The following TMEM117 variants were observed in gnomAD, a reference collection of about 807,000 sequenced individuals.
The protein encoded by TMEM117 is transmembrane protein 117.
A neutral mutation model predicts 52.4 loss-of-function variants in TMEM117; 27 were observed. The ratio of observed to expected loss-of-function variants is 0.51; its 90% CI spans 0.38 to 0.71. The LOEUF (loss-of-function observed/expected upper bound fraction) is 0.71, where lower values mean the gene tolerates loss of function less well. TMEM117 is among the 30% of genes least tolerant of loss of function. TMEM117 has a pLI of 0.00. For synonymous variants in TMEM117, 215 were observed against 206.3 expected (o/e 1.04, Z -0.36); for missense variants, 556 against 630.5 (o/e 0.88, Z 1.26).
intron 5 of TMEM117, among the ~76,000 whole-genome samples, chr12:44,249,371 T>G (rs1950170094): frequency 6.6e-6 from 1 of 152,012 alleles, no homozygotes; most frequent in Admixed American, 6.6e-5. Flanking sequence ...TTGAGAGGGT[T>G]CCATGGATAG....
At chr12:44,064,144 G>A (rs539544657) in intron 3 of TMEM117, among the ~76,000 whole-genome samples, 10 of 152,086 alleles carry the variant, frequency 6.6e-5, no homozygotes, top group African/African-American at 2.4e-4. Context: ...CCTAAAAAGA[G>A]AGATGATGAC....
chr12:43,962,528 AAAAT>A, intron 3 of TMEM117, among the ~76,000 whole-genome samples: 1 of 152,216 alleles, frequency 6.6e-6, no homozygotes, highest in Non-Finnish European at 1.5e-5. Context: ...GAAGATCAAT[AAAAT>A]AAAAACAAAA....
At chr12:44,111,778 T>A (rs28867405) in intron 3 of TMEM117, among the ~76,000 whole-genome samples, 2 of 142,962 alleles carry the variant, frequency 1.4e-5, no homozygotes, top group Non-Finnish European at 3.0e-5. Flanking sequence ...CTTTCTGTCT[T>A]GTTGATCTGT....
At chr12:44,122,335 T>C (rs1592535856) in intron 3 of TMEM117, among the ~76,000 whole-genome samples, 1 of 152,266 alleles carries the variant, frequency 6.6e-6, no homozygotes, top group Non-Finnish European at 1.5e-5. Context: ...TGAGCCACCA[T>C]GCCCAGCCTC....
intron 3 of TMEM117, among the ~76,000 whole-genome samples, chr12:44,000,192 G>C (rs1401452872): frequency 6.6e-6 from 1 of 152,140 alleles, no homozygotes; most frequent in East Asian, 1.9e-4. Context: ...ATGTACCCGG[G>C]TAAGTTCAGG....
At chr12:43,975,909 C>A (rs1945663572) in intron 3 of TMEM117, among the ~76,000 whole-genome samples, 1 of 152,128 alleles carries the variant, frequency 6.6e-6, no homozygotes, top group South Asian at 2.1e-4. Context: ...AGCTGGATGA[C>A]CCTCCACAGT....
At chr12:44,041,588 A>G (rs1946799386) in intron 3 of TMEM117, among the ~76,000 whole-genome samples, 2 of 152,300 alleles carry the variant, frequency 1.3e-5, no homozygotes, top group South Asian at 4.1e-4. Context: ...GATTGTCAGC[A>G]TAGTACCCAA....
At chr12:44,284,942 TC>T (rs1332269392) in intron 5 of TMEM117, among the ~76,000 whole-genome samples, 1 of 152,252 alleles carries the variant, frequency 6.6e-6, no homozygotes, top group Non-Finnish European at 1.5e-5. Flanking sequence ...TAAACTAACA[TC>T]CTTCAGATAT....
intron 5 of TMEM117, among the ~76,000 whole-genome samples, chr12:44,234,439 G>A (rs1442334344): frequency 6.6e-6 from 1 of 151,250 alleles, no homozygotes; most frequent in African/African-American, 2.4e-5. Context: ...AGGATTTGTA[G>A]TGATGGCTTT....
At chr12:44,259,038 C>A (rs959932794) in intron 5 of TMEM117, among the ~76,000 whole-genome samples, 2 of 152,032 alleles carry the variant, frequency 1.3e-5, no homozygotes, top group Non-Finnish European at 2.9e-5. Flanking sequence ...CCTTTGTATA[C>A]AAAACATTTG....
At position 44,388,984 on chromosome 12, in the gene TMEM117, T is replaced by C; in HGVS notation, c.*312T>C. 3.5e-6 allele frequency: 1 copy of C among 281,894 alleles called. No individual in the cohort carries two copies. 17.5% of individuals were successfully genotyped at this position (281,894 alleles called of 1,614,324 possible). On this transcript the variant is annotated 3_prime_UTR_variant, in exon 8 of 8. Coordinates refer to ENST00000266534, the MANE Select transcript of TMEM117 (RefSeq NM_032256.3). The stretch of plus-strand genomic sequence containing the variant: ...CTGATGTTCAACCATAGTGGTGCCT[T>C]GAGACATTAAACTGTTTTTAACTGT...
chr12:43,957,411 G>A (rs1945326563), intron 3 of TMEM117, among the ~76,000 whole-genome samples: 1 of 152,168 alleles, frequency 6.6e-6, no homozygotes, highest in South Asian at 2.1e-4. Flanking sequence ...TTGAACTTTT[G>A]CAGTGACTAT....
intron 6 of TMEM117, among the ~76,000 whole-genome samples, chr12:44,305,094 G>C (rs184566932): frequency 1.3e-5 from 2 of 152,272 alleles, no homozygotes; most frequent in African/African-American, 4.8e-5. Flanking sequence ...TTCCTGAAAG[G>C]AGAGAGCCAG....
intron 3 of TMEM117, among the ~76,000 whole-genome samples, chr12:44,048,311 T>C (rs1406795089): frequency 2.0e-5 from 3 of 152,144 alleles, no homozygotes; most frequent in Admixed American, 6.5e-5. Flanking sequence ...TTTAGCTTCA[T>C]TGATCCTTTC....
chr12:44,330,635 C>T (rs1007017532), intron 6 of TMEM117, among the ~76,000 whole-genome samples: 2 of 152,052 alleles, frequency 1.3e-5, no homozygotes, highest in African/African-American at 4.8e-5. Context: ...TTAATAGCCA[C>T]ATGTAGCTAG....
At chr12:44,309,820 C>A (rs1950951410) in intron 6 of TMEM117, among the ~76,000 whole-genome samples, 1 of 148,724 alleles carries the variant, frequency 6.7e-6, no homozygotes, top group Non-Finnish European at 1.5e-5. Context: ...AAAGACCATA[C>A]TTTTTTTCAT....
chr12:44,136,315 T>C (rs77915107), intron 3 of TMEM117, among the ~76,000 whole-genome samples: 2 of 152,108 alleles, frequency 1.3e-5, no homozygotes, highest in African/African-American at 2.4e-5. Context: ...TCATTAGAGG[T>C]AGAAGACAGA....
intron 5 of TMEM117, among the ~76,000 whole-genome samples, chr12:44,240,284 T>C (rs1950045862): frequency 6.6e-6 from 1 of 152,132 alleles, no homozygotes; most frequent in South Asian, 2.1e-4. Flanking sequence ...CATTCCAGGT[T>C]GTAGGAAGAA....
intron 5 of TMEM117, among the ~76,000 whole-genome samples, chr12:44,249,952 A>T (rs191328472): frequency 6.6e-6 from 1 of 152,346 alleles, no homozygotes; most frequent in East Asian, 1.9e-4. Context: ...CATGACTAAA[A>T]TACCAAAAGC....
Sources: allele counts gnomAD v4.1 joint callset (sites outside exome capture counted in the v4.1 genomes callset), GRCh38; gene constraint gnomAD v4.1.1; transcripts MANE v1.5; gene names NCBI Gene and HGNC (gene_info 2026-07-23, HGNC 2026-07-21).